MAN1A1: variants seen among roughly 807,000 people sequenced by gnomAD.
The protein encoded by MAN1A1 is mannosidase alpha class 1A member 1.
Under a neutral mutation model 70.8 loss-of-function variants are expected in MAN1A1, and 29 were observed. That is an observed-to-expected ratio of 0.41 (90% CI 0.31 to 0.56). The LOEUF is 0.56. Among genes scored for constraint, MAN1A1 ranks in the 20% least tolerant of loss-of-function variants. The pLI, the probability that MAN1A1 is intolerant of heterozygous loss-of-function variation, is 0.29. For synonymous variants in MAN1A1, 349 were observed against 330.1 expected (o/e 1.06, Z -0.62); for missense variants, 747 against 841.3 (o/e 0.89, Z 1.39).
intron 6 of MAN1A1, among the ~76,000 whole-genome samples, chr6:119,208,886 G>C (rs1582697868): frequency 6.6e-6 from 1 of 152,096 alleles, no homozygotes; most frequent in East Asian, 1.9e-4. Context: ...CTTGGGTTCA[G>C]GAGTTCGAGA....
chr6:119,237,149 A>G (rs1774867366), intron 6 of MAN1A1, among the ~76,000 whole-genome samples: 1 of 152,172 alleles, frequency 6.6e-6, no homozygotes, highest in Non-Finnish European at 1.5e-5. Context: ...TTGAGATGGG[A>G]TCTGGTGAAG....
intron 6 of MAN1A1, among the ~76,000 whole-genome samples, chr6:119,211,152 A>G (rs1462883315): frequency 6.6e-6 from 1 of 152,224 alleles, no homozygotes; most frequent in Non-Finnish European, 1.5e-5. Flanking sequence ...TCACTGTAAG[A>G]GTTAAACACA....
intron 5 of MAN1A1, among the ~76,000 whole-genome samples, chr6:119,257,500 T>C (rs535098499): frequency 1.7e-4 from 26 of 152,090 alleles, no homozygotes; most frequent in Middle Eastern, 3.4e-3. Flanking sequence ...CAAACATATA[T>C]GAACGACAAC....
intron 5 of MAN1A1, among the ~76,000 whole-genome samples, chr6:119,267,285 T>A (rs538328110): frequency 6.6e-6 from 1 of 152,354 alleles, no homozygotes; most frequent in African/African-American, 2.4e-5. Context: ...ACTGGACAGA[T>A]GTTTACAGCA....
chr6:119,284,151 G>A (rs1317944547), intron 5 of MAN1A1, among the ~76,000 whole-genome samples: 1 of 152,102 alleles, frequency 6.6e-6, no homozygotes, highest in Non-Finnish European at 1.5e-5. Flanking sequence ...GGCATATCTC[G>A]AGGCCATGAG....
chr6:119,343,429 C>A (rs1773647182), intron 2 of MAN1A1, among the ~76,000 whole-genome samples: 1 of 152,110 alleles, frequency 6.6e-6, no homozygotes, highest in South Asian at 2.1e-4. Flanking sequence ...AGCTACCTCT[C>A]AGATCTCATT....
intron 6 of MAN1A1, among the ~76,000 whole-genome samples, chr6:119,235,043 T>C (rs1774802555): frequency 6.6e-6 from 1 of 152,168 alleles, no homozygotes; most frequent in African/African-American, 2.4e-5. Flanking sequence ...GAACTTAACT[T>C]GTAAGCATGT....
chr6:119,350,530 A>G, upstream of MAN1A1: 1 of 985,376 alleles, frequency 1.0e-6, no homozygotes, highest in South Asian at 4.7e-5. Flanking sequence ...CATTTACCTC[A>G]TAGAAGTTGG....
Position 119,239,081 on chromosome 6 carries a change from G to A in MAN1A1, c.992+9179C>T, listed in dbSNP as rs556408170. ...AATTTTTTATATTTTTAGTAGAGAC[G>A]GGGTTTCACCGTGGTCTCGATCTCC... is the stretch of plus-strand genomic sequence containing the variant. On this transcript the variant is annotated intron_variant, in intron 6 of 12. Coordinates refer to ENST00000368468, the MANE Select transcript of MAN1A1 (RefSeq NM_005907.4). 6.6e-5 allele frequency among the ~76,000 whole-genome samples: 10 copies of A among 151,980 alleles called. No homozygotes were observed. In the South Asian group the frequency reaches 1.3e-3, roughly 19 times the overall value.
At chr6:119,273,630 A>G (rs1166842860) in intron 5 of MAN1A1, among the ~76,000 whole-genome samples, 2 of 152,184 alleles carry the variant, frequency 1.3e-5, no homozygotes, top group Non-Finnish European at 2.9e-5. Flanking sequence ...CCAATGCAGG[A>G]TAAGAGTAAC....
rs1399480606 is a variant in MAN1A1, at chr6:119,198,150, A to G, written c.1210+3104T>C. Among the ~76,000 whole-genome samples, 3 of 152,240 alleles carry G rather than the reference A, an allele frequency of 2.0e-5. No homozygotes were observed. The East Asian group carries it at 5.8e-4, about 29-fold the overall frequency. The stretch of plus-strand genomic sequence containing the variant: ...ACGCCTGTAATTCCAGCACTTTGGG[A>G]GGCCAAGGTGGGCGGATCACCTGAG... On this transcript the variant is annotated intron_variant, in intron 8 of 12. Coordinates refer to ENST00000368468, the MANE Select transcript of MAN1A1 (RefSeq NM_005907.4).
chr6:119,198,512 T>C (rs1239023865), intron 8 of MAN1A1, among the ~76,000 whole-genome samples: 2 of 152,252 alleles, frequency 1.3e-5, no homozygotes, highest in African/African-American at 4.8e-5. Flanking sequence ...AAATAATTTA[T>C]GTAAATAATA....
chr6:119,262,132 CA>C, intron 5 of MAN1A1, among the ~76,000 whole-genome samples: 1 of 152,206 alleles, frequency 6.6e-6, no homozygotes, highest in South Asian at 2.1e-4. Context: ...AATCAAGGTG[CA>C]AAAGAAATGG....
intron 2 of MAN1A1, 84 bp downstream of exon 2, chr6:119,348,379 G>A: frequency 8.4e-6 from 11 of 1,310,500 alleles, no homozygotes; most frequent in Middle Eastern, 4.1e-4. Context: ...TTGCATTGTT[G>A]CAGTCTTCAG....
chr6:119,283,410 G>C (rs1054410160), intron 5 of MAN1A1, among the ~76,000 whole-genome samples: 7 of 152,218 alleles, frequency 4.6e-5, no homozygotes, highest in Non-Finnish European at 1.0e-4. Flanking sequence ...TGTTAAGCAT[G>C]AGGATATGAA....
At chr6:119,291,597 T>G (rs1449168505) in intron 4 of MAN1A1, among the ~76,000 whole-genome samples, 3 of 151,936 alleles carry the variant, frequency 2.0e-5, no homozygotes, top group Non-Finnish European at 2.9e-5. Context: ...GAAAGGCTAT[T>G]CAGCCTATAC....
intron 6 of MAN1A1, among the ~76,000 whole-genome samples, chr6:119,235,343 G>C (rs1485113957): frequency 6.6e-6 from 1 of 152,194 alleles, no homozygotes; most frequent in African/African-American, 2.4e-5. Flanking sequence ...AATCATGAAT[G>C]ATAAGAACGC....
At chr6:119,239,594 G>A (rs1363840941) in intron 6 of MAN1A1, among the ~76,000 whole-genome samples, 1 of 152,092 alleles carries the variant, frequency 6.6e-6, no homozygotes, top group Non-Finnish European at 1.5e-5. Flanking sequence ...ACAATTATGA[G>A]GGCTGATAAA....
intron 2 of MAN1A1, among the ~76,000 whole-genome samples, chr6:119,329,213 G>C (rs1423100314): frequency 6.6e-6 from 1 of 152,192 alleles, no homozygotes; most frequent in Non-Finnish European, 1.5e-5. Context: ...CCTCTGAGAT[G>C]CTTATTACAA....
Sources: gnomAD v4.1 joint callset for allele counts (sites outside exome capture counted in the v4.1 genomes callset) on GRCh38, gnomAD v4.1.1 for gene constraint, MANE v1.5 for transcripts, NCBI Gene and HGNC (gene_info 2026-07-23, HGNC 2026-07-21) for gene names.